Variants in CDH12 observed in about 807,000 individuals in gnomAD.
The protein encoded by CDH12 is cadherin 12.
Under a neutral mutation model 74.1 loss-of-function variants are expected in CDH12, and 41 were observed. The ratio of observed to expected loss-of-function variants is 0.55; its 90% CI spans 0.43 to 0.72. The LOEUF (loss-of-function observed/expected upper bound fraction) is 0.72. CDH12 is among the 30% of genes least tolerant of loss of function. The pLI is 0.00. For missense variants in CDH12, 945 were observed against 977.2 expected, an observed-to-expected ratio of 0.97 and a Z score of 0.44; for synonymous variants, 399 against 355.0, an observed-to-expected ratio of 1.12 and a Z score of -1.39.
At chr5:22,217,779 A>G (rs1751866412) in intron 3 of CDH12, among the ~76,000 whole-genome samples, 1 of 151,746 alleles carries the variant, frequency 6.6e-6, no homozygotes, top group South Asian at 2.1e-4. Context: ...AAATAATATT[A>G]ATGAATAATA....
At chr5:22,834,712 ACTAT>A (rs1389808018) in intron 1 of CDH12, among the ~76,000 whole-genome samples, 1 of 152,168 alleles carries the variant, frequency 6.6e-6, no homozygotes, top group Non-Finnish European at 1.5e-5. Context: ...ATTATGTTCA[ACTAT>A]CTATCATAAC....
chr5:22,510,454 T>A (rs1736554715), intron 1 of CDH12, among the ~76,000 whole-genome samples: 1 of 152,046 alleles, frequency 6.6e-6, no homozygotes, highest in Non-Finnish European at 1.5e-5. Context: ...CTTAAATCAG[T>A]GGGAAAAGAA....
At chr5:22,741,938 T>G (rs1333953448) in intron 1 of CDH12, among the ~76,000 whole-genome samples, 1 of 152,094 alleles carries the variant, frequency 6.6e-6, no homozygotes, top group East Asian at 1.9e-4. Flanking sequence ...CCCAGCACTT[T>G]GGGAGGCAGA....
At chr5:22,694,587 T>C (rs1742251581) in intron 1 of CDH12, among the ~76,000 whole-genome samples, 1 of 152,032 alleles carries the variant, frequency 6.6e-6, no homozygotes, top group Admixed American at 6.6e-5. Context: ...TTTACAAGAG[T>C]ATTTCTATTT....
At chr5:22,552,058 G>A (rs1413635307) in intron 1 of CDH12, among the ~76,000 whole-genome samples, 1 of 152,096 alleles carries the variant, frequency 6.6e-6, no homozygotes, top group Non-Finnish European at 1.5e-5. Context: ...GTATATAGGA[G>A]TGAACAGAGC....
chr5:22,063,988 TAC>T (rs10552100), intron 5 of CDH12, among the ~76,000 whole-genome samples: 93,567 of 146,684 alleles, frequency 0.64, 31,280 homozygotes, highest in East Asian at 0.78. Flanking sequence ...ATTATGGAGA[TAC>T]ACACACACAC....
chr5:22,182,563 G>A (rs1749704947), intron 4 of CDH12, among the ~76,000 whole-genome samples: 1 of 152,078 alleles, frequency 6.6e-6, no homozygotes, highest in African/African-American at 2.4e-5. Context: ...GTTAATTTTT[G>A]TTTTTAGAAA....
chr5:22,311,677 T>C (rs1272404292), intron 3 of CDH12, among the ~76,000 whole-genome samples: 1 of 137,798 alleles, frequency 7.3e-6, no homozygotes, highest in African/African-American at 2.8e-5. Context: ...CACTCCAGTC[T>C]GGGTGACAGA....
chr5:22,553,027 T>A (rs1738645417), intron 1 of CDH12, among the ~76,000 whole-genome samples: 1 of 152,194 alleles, frequency 6.6e-6, no homozygotes, highest in Non-Finnish European at 1.5e-5. Context: ...TCTACTTGTT[T>A]GTTTCCAATA....
chr5:22,045,116 T>A (rs1739846100), intron 5 of CDH12, among the ~76,000 whole-genome samples: 1 of 152,158 alleles, frequency 6.6e-6, no homozygotes, highest in South Asian at 2.1e-4. Flanking sequence ...ATATTCCAAT[T>A]ACAAAATTGG....
chr5:21,879,751 A>G (rs554522024), intron 6 of CDH12, among the ~76,000 whole-genome samples: 35 of 152,340 alleles, frequency 2.3e-4, no homozygotes, highest in African/African-American at 3.8e-4. Context: ...GGGAGAGTGA[A>G]TTATAGCTAG....
chr5:22,297,231 G>A (rs914920613), intron 3 of CDH12, among the ~76,000 whole-genome samples: 1 of 152,042 alleles, frequency 6.6e-6, no homozygotes, highest in Non-Finnish European at 1.5e-5. Context: ...ATGTTGTTCA[G>A]GCTGGTCTCA....
intron 3 of CDH12, among the ~76,000 whole-genome samples, chr5:22,317,329 A>T (rs1028592866): frequency 3.3e-5 from 5 of 152,104 alleles, no homozygotes; most frequent in African/African-American, 4.8e-5. Flanking sequence ...AAAAAAAAAT[A>T]AAAAAATTAA....
chr5:22,396,861 C>T (rs1481339872), intron 3 of CDH12, among the ~76,000 whole-genome samples: 1 of 152,132 alleles, frequency 6.6e-6, no homozygotes, highest in African/African-American at 2.4e-5. Flanking sequence ...TTCTCTCCTA[C>T]TGTCTGTCGT....
chr5:22,727,076 G>C (rs368131112), intron 1 of CDH12, among the ~76,000 whole-genome samples: 2 of 151,752 alleles, frequency 1.3e-5, no homozygotes, highest in Non-Finnish European at 3.0e-5. Flanking sequence ...TATAATAGGA[G>C]TACAAGGCAT....
intron 10 of CDH12, among the ~76,000 whole-genome samples, chr5:21,795,429 A>G (rs1160017075): frequency 6.6e-6 from 1 of 151,948 alleles, no homozygotes; most frequent in African/African-American, 2.4e-5. Context: ...AGTATTATAT[A>G]GGTCAAGTCA....
intron 4 of CDH12, among the ~76,000 whole-genome samples, chr5:22,082,890 A>C (rs888905915): frequency 6.6e-6 from 1 of 152,150 alleles, no homozygotes; most frequent in Admixed American, 6.5e-5. Flanking sequence ...CCAGATTTTT[A>C]TGCATTTCTC....
chr5:22,236,868 G>A (rs945192623), intron 3 of CDH12, among the ~76,000 whole-genome samples: 1 of 152,006 alleles, frequency 6.6e-6, no homozygotes, highest in African/African-American at 2.4e-5. Flanking sequence ...GTCTTCAGGG[G>A]CAGTAATATG....
intron 3 of CDH12, among the ~76,000 whole-genome samples, chr5:22,295,037 G>A (rs1285242282): frequency 6.6e-6 from 1 of 152,064 alleles, no homozygotes; most frequent in Non-Finnish European, 1.5e-5. Context: ...TAATCACCTT[G>A]ACCAACCTCC....
Sources: allele counts gnomAD v4.1 joint callset (sites outside exome capture counted in the v4.1 genomes callset), GRCh38; gene constraint gnomAD v4.1.1; transcripts MANE v1.5; gene names NCBI Gene and HGNC (gene_info 2026-07-23, HGNC 2026-07-21).